MYO10: variants seen among roughly 807,000 people sequenced by gnomAD.
MYO10 encodes the protein myosin X, also known as unconventional myosin-X.
A neutral mutation model predicts 257.3 loss-of-function variants in MYO10; 133 were observed. The observed-to-expected ratio is 0.52, with a 90% CI of 0.45 to 0.60. The LOEUF is 0.60. Among genes scored for constraint, MYO10 ranks in the 20% least tolerant of loss-of-function variants. MYO10 has a pLI of 0.00. For synonymous variants in MYO10, 1,104 were observed against 1,028.6 expected (o/e 1.07, Z -1.40); for missense variants, 2,399 against 2,635.7 (o/e 0.91, Z 1.97).
intron 11 of MYO10, 32 bp from the exon 12 acceptor site, chr5:16,764,428 G>A (rs754607887): frequency 6.2e-7 from 1 of 1,610,876 alleles, no homozygotes; most frequent in East Asian, 2.2e-5. Context: ...AGACTCAGCT[G>A]ACCCCGGGCA....
chr5:16,821,003 A>G (rs1742783777), intron 2 of MYO10, among the ~76,000 whole-genome samples: 1 of 147,646 alleles, frequency 6.8e-6, no homozygotes, highest in South Asian at 2.1e-4. Flanking sequence ...CTTATATCTT[A>G]AGATACCTTA....
intron 26 of MYO10, among the ~76,000 whole-genome samples, chr5:16,695,241 G>C (rs1737689050): frequency 6.6e-6 from 1 of 152,186 alleles, no homozygotes; most frequent in Non-Finnish European, 1.5e-5. Context: ...GGCTGGGGTA[G>C]GACAATCGCT....
At chr5:16,822,693 T>C (rs832423) in intron 2 of MYO10, among the ~76,000 whole-genome samples, 18 of 65,826 alleles carry the variant, frequency 2.7e-4, no homozygotes, top group African/African-American at 1.1e-3. Context: ...TATTTTTATT[T>C]TTTTTTTTTT....
At chr5:16,889,508 AAG>A (rs1744987916) in intron 1 of MYO10, among the ~76,000 whole-genome samples, 1 of 69,452 alleles carries the variant, frequency 1.4e-5, no homozygotes, top group African/African-American at 5.0e-5. Flanking sequence ...GGAAGGAAGG[AAG>A]GAAGGAAGGA....
At chr5:16,738,794 G>A (rs1462386644) in intron 19 of MYO10, among the ~76,000 whole-genome samples, 2 of 151,258 alleles carry the variant, frequency 1.3e-5, no homozygotes, top group East Asian at 2.0e-4. Flanking sequence ...AGGAGGCTGA[G>A]GCAGGAGAAT....
At chr5:16,844,153 T>C (rs1274337497) in intron 2 of MYO10, among the ~76,000 whole-genome samples, 1 of 152,200 alleles carries the variant, frequency 6.6e-6, no homozygotes, top group Non-Finnish European at 1.5e-5. Context: ...CATTCATTGT[T>C]CCCCAAGTAT....
chr5:16,722,390 G>A (rs1053575461), intron 19 of MYO10, among the ~76,000 whole-genome samples: 5 of 152,154 alleles, frequency 3.3e-5, no homozygotes, highest in African/African-American at 7.2e-5. Flanking sequence ...TCTCACTTAC[G>A]CTGGTATATT....
intron 4 of MYO10, among the ~76,000 whole-genome samples, chr5:16,789,765 G>C (rs1388830184): frequency 2.0e-5 from 3 of 152,200 alleles, no homozygotes; most frequent in Non-Finnish European, 4.4e-5. Context: ...ATGGGCAACA[G>C]AGCAAGACTC....
At chr5:16,669,736 C>T (rs1448582728) in intron 39 of MYO10, among the ~76,000 whole-genome samples, 1 of 152,144 alleles carries the variant, frequency 6.6e-6, no homozygotes, top group Non-Finnish European at 1.5e-5. Flanking sequence ...GAATTTTATA[C>T]AGCCTCAATA....
At position 16,794,674 on chromosome 5, in the gene MYO10, G is replaced by T. The variant is rs772057579; in HGVS notation, c.439C>A (p.Arg147Ser). Residue 147 changes from arginine (R) to serine (S), a missense_variant, in exon 4 of 41, where the codon CGC becomes AGC. Around this residue, in one of 3 missense-constraint regions of MYO10, gnomAD observed 242 missense variants for 249.5 expected, o/e 0.97. Transcript: ENST00000513610. Reference sequence around the variant, plus strand: ...ATGAGGATGCACTGGTTGTCGTGGCGCTTCCACAGGCAGCGGTAGCACTCG... The same window carrying T: ...ATGAGGATGCACTGGTTGTCGTGGCTCTTCCACAGGCAGCGGTAGCACTCG... ...ANECYRCLWKRHDNQCILISG... is the reference protein window; with the variant it reads ...ANECYRCLWKSHDNQCILISG... The T allele has an allele frequency of 1.9e-6, 3 of 1,612,536 alleles. No homozygotes were observed. The South Asian group carries it at 3.3e-5, about 18-fold the overall frequency.
chr5:16,768,664 CTTTTTTTTT>C (rs34950225), intron 10 of MYO10, among the ~76,000 whole-genome samples: 11 of 70,168 alleles, frequency 1.6e-4, no homozygotes, highest in Non-Finnish European at 2.7e-4. Context: ...TTTCTCTTTT[CTTTTTTTTT>C]TTTTTTTTTT....
intron 23 of MYO10, 71 bp downstream of exon 23, chr5:16,702,854 C>A: frequency 2.9e-6 from 4 of 1,362,836 alleles, no homozygotes; most frequent in South Asian, 2.7e-5. Flanking sequence ...TTTCTGGCTG[C>A]ACAGACAGAT....
chr5:16,703,854 C>CCTTGGCGA (rs1224990759), intron 22 of MYO10, among the ~76,000 whole-genome samples: 1 of 142,596 alleles, frequency 7.0e-6, no homozygotes. Context: ...TGCACTCCAG[C>CCTTGGCGA]CAGACGAGCG....
intron 19 of MYO10, among the ~76,000 whole-genome samples, chr5:16,740,700 A>C (rs1739987635): frequency 6.6e-6 from 1 of 152,142 alleles, no homozygotes; most frequent in South Asian, 2.1e-4. Context: ...CGCAAGCAGC[A>C]ATGCGGTTCC....
chr5:16,835,039 G>A (rs1014397608), intron 2 of MYO10, among the ~76,000 whole-genome samples: 3 of 151,956 alleles, frequency 2.0e-5, no homozygotes, highest in East Asian at 1.9e-4. Context: ...GCGGGCCACC[G>A]TGGTGGCACA....
chr5:16,791,977 C>A (rs1385898678), intron 4 of MYO10, among the ~76,000 whole-genome samples: 2 of 152,102 alleles, frequency 1.3e-5, no homozygotes, highest in Non-Finnish European at 2.9e-5. Context: ...ATCTGTTTAA[C>A]TGAATACACT....
intron 1 of MYO10, among the ~76,000 whole-genome samples, chr5:16,919,359 C>T (rs926044871): frequency 7.2e-5 from 11 of 151,990 alleles, no homozygotes; most frequent in African/African-American, 2.4e-4. Context: ...GCCTGGGCAA[C>T]GGAACAAGAC....
chr5:16,830,203 T>A (rs532541001), intron 2 of MYO10, among the ~76,000 whole-genome samples: 13 of 151,294 alleles, frequency 8.6e-5, no homozygotes, highest in African/African-American at 2.9e-4. Context: ...GCCACTGCAC[T>A]CCAGCCTGGG....
chr5:16,753,395 C>A (rs967277340), intron 19 of MYO10, among the ~76,000 whole-genome samples: 1 of 151,760 alleles, frequency 6.6e-6, no homozygotes, highest in South Asian at 2.1e-4. Context: ...TCTCCATCTC[C>A]TGACCTTGTG....
Sources: allele counts gnomAD v4.1 joint callset (sites outside exome capture counted in the v4.1 genomes callset), GRCh38; gene constraint gnomAD v4.1.1; regional missense constraint gnomAD v4.1.1; transcripts MANE v1.5; gene names NCBI Gene and HGNC (gene_info 2026-07-23, HGNC 2026-07-21).